Variants in ABCA8 observed in about 807,000 individuals in gnomAD.
ABCA8 encodes the protein ATP binding cassette subfamily A member 8, also known as ABC-type organic anion transporter ABCA8.
In ABCA8, 177 loss-of-function variants were observed where a neutral mutation model predicts 192.3. The observed-to-expected ratio is 0.92, with a 90% CI of 0.81 to 1.04. The LOEUF (loss-of-function observed/expected upper bound fraction) is 1.04. ABCA8 is among the 50% of genes least tolerant of loss of function. ABCA8 has a pLI of 0.00. For missense variants in ABCA8, 1,915 were observed against 1,904.8 expected, an observed-to-expected ratio of 1.01 and a Z score of -0.10; for synonymous variants, 642 against 690.2, an observed-to-expected ratio of 0.93 and a Z score of 1.09.
intron 37 of ABCA8, among the ~76,000 whole-genome samples, chr17:68,874,653 T>G (rs1343291155): frequency 2.6e-5 from 4 of 152,212 alleles, no homozygotes; most frequent in Non-Finnish European, 5.9e-5. Context: ...TATGATGACT[T>G]ATTTCTCCTT....
At chr17:68,925,626 G>A (rs1484534817) in intron 10 of ABCA8, among the ~76,000 whole-genome samples, 1 of 152,106 alleles carries the variant, frequency 6.6e-6, no homozygotes, top group African/African-American at 2.4e-5. Flanking sequence ...TCAAACTTCT[G>A]TGTATTTCTC....
At chr17:68,884,652 A>C in intron 27 of ABCA8, 5 of 1,161,714 alleles carry the variant, frequency 4.3e-6, no homozygotes, top group Non-Finnish European at 5.3e-6. Flanking sequence ...ACCTCCCCAA[A>C]CAGTGAGAGA....
At chr17:68,894,145 C>A in intron 23 of ABCA8, 28 bp downstream of exon 23, 2 of 1,610,218 alleles carry the variant, frequency 1.2e-6, no homozygotes, top group South Asian at 2.2e-5. Flanking sequence ...AGAGGAGAGT[C>A]AGGAATTGTA....
At position 68,917,765 on chromosome 17, in the gene ABCA8, A is replaced by T. The variant is rs2067412964; in HGVS notation, c.2047+282T>A. 2.0e-5 allele frequency among the ~76,000 whole-genome samples: 3 copies of T among 152,228 alleles called. No homozygotes were observed. In the South Asian group the frequency reaches 6.2e-4, roughly 32 times the overall value. On this transcript the variant is annotated intron_variant, in intron 16 of 39. Transcript: ENST00000586539. ...TTCAAGTGGATTTCCCTCAATTCTG[A>T]GTAAAAGGATTGATCTCTTAGAAAC...
At chr17:68,869,987 T>C (rs1343412775) in intron 37 of ABCA8, among the ~76,000 whole-genome samples, 3 of 152,194 alleles carry the variant, frequency 2.0e-5, no homozygotes, top group Non-Finnish European at 4.4e-5. Context: ...TTCACATTTT[T>C]CTGTGTTCTG....
intron 2 of ABCA8, among the ~76,000 whole-genome samples, chr17:68,948,052 A>G (rs964874816): frequency 3.3e-5 from 5 of 152,148 alleles, no homozygotes; most frequent in African/African-American, 1.2e-4. Context: ...AGCTTCATCC[A>G]TGTCCCTGCA....
chr17:68,906,594 T>C (rs969747317), intron 18 of ABCA8, among the ~76,000 whole-genome samples: 20 of 152,266 alleles, frequency 1.3e-4, no homozygotes, highest in Middle Eastern at 3.4e-3. Context: ...ATTAATTGGA[T>C]GGTGTAGAAT....
intron 32 of ABCA8, chr17:68,879,895 C>G (rs2066290040): frequency 6.6e-6 from 1 of 152,192 alleles, no homozygotes; most frequent in Non-Finnish European, 1.5e-5. Flanking sequence ...CATGGACTTG[C>G]AGGTGCACCT....
At chr17:68,935,540 C>CTATATATA (rs6146128) in intron 5 of ABCA8, among the ~76,000 whole-genome samples, 2,952 of 87,084 alleles carry the variant, frequency 0.034, 99 homozygotes, top group East Asian at 0.059. Context: ...AGTAGTATTC[C>CTATATATA]TATATATATA....
At chr17:68,892,014 G>T (rs2143390728) in intron 23 of ABCA8, among the ~76,000 whole-genome samples, 1 of 152,144 alleles carries the variant, frequency 6.6e-6, no homozygotes, top group Non-Finnish European at 1.5e-5. Flanking sequence ...AGTTTTTTAG[G>T]TACATCATGA....
chr17:68,954,981 T>C (rs1010325143), intron 1 of ABCA8, among the ~76,000 whole-genome samples: 2 of 152,212 alleles, frequency 1.3e-5, no homozygotes, highest in Admixed American at 1.3e-4. Flanking sequence ...GTTTGCATAA[T>C]TTTTTAAAAA....
intron 18 of ABCA8, 84 bp from the exon 19 acceptor site, chr17:68,906,247 C>A (rs2067064950): frequency 9.8e-6 from 10 of 1,023,866 alleles, no homozygotes; most frequent in Non-Finnish European, 1.3e-5. Flanking sequence ...AAGCACAAAT[C>A]TATGAAACTA....
At chr17:68,921,352 T>A (rs1016756780) in intron 13 of ABCA8, 30 bp downstream of exon 13, 408 of 1,476,978 alleles carry the variant, frequency 2.8e-4, no homozygotes, top group Non-Finnish European at 3.5e-4. Context: ...AAGTATAATT[T>A]AAAAAAAAAG....
intron 21 of ABCA8, among the ~76,000 whole-genome samples, chr17:68,900,656 C>G (rs1255458119): frequency 6.6e-6 from 1 of 151,780 alleles, no homozygotes; most frequent in African/African-American, 2.4e-5. Flanking sequence ...ACCAATATCC[C>G]TTATGAATAG....
chr17:68,913,756 G>A (rs548815643), intron 17 of ABCA8, among the ~76,000 whole-genome samples: 1 of 151,988 alleles, frequency 6.6e-6, no homozygotes, highest in East Asian at 1.9e-4. Flanking sequence ...TCTTTCAGCA[G>A]AGAATTCACT....
intron 19 of ABCA8, among the ~76,000 whole-genome samples, chr17:68,904,176 G>C (rs2066993844): frequency 6.6e-6 from 1 of 151,824 alleles, no homozygotes; most frequent in Non-Finnish European, 1.5e-5. Context: ...CAGCTACTCG[G>C]GAAGCTGAGG....
At chr17:68,876,016 T>C (rs1598181981) in intron 35 of ABCA8, among the ~76,000 whole-genome samples, 1 of 152,104 alleles carries the variant, frequency 6.6e-6, no homozygotes, top group African/African-American at 2.4e-5. Context: ...TTGTGAGAAG[T>C]CTGTGTGAAG....
rs534325046 is a variant in ABCA8 at position 68,876,908 on chromosome 17, T to C, written c.4200-205A>G. Among the ~76,000 whole-genome samples, 306 of 152,338 alleles carry C rather than the reference T, an allele frequency of 2.0e-3. 3 individuals are homozygous for C. Among genetic ancestry groups the C allele is most frequent in the Middle Eastern group, 0.01 (3 of 294 alleles). On this transcript the variant is annotated intron_variant, in intron 33 of 39. Coordinates refer to ENST00000586539, the MANE Select transcript of ABCA8 (RefSeq NM_001288985.2). ...TGCTTTTTGAAGAAATAGAAGGACA[T>C]GACATGATATCCAAATAGTTGTTCT...
intron 10 of ABCA8, among the ~76,000 whole-genome samples, chr17:68,926,484 A>G (rs970597984): frequency 2.0e-5 from 3 of 152,236 alleles, no homozygotes; most frequent in Non-Finnish European, 4.4e-5. Flanking sequence ...CCATAAAAAC[A>G]AAAGTAGAAC....
Sources: allele counts gnomAD v4.1 joint callset (sites outside exome capture counted in the v4.1 genomes callset), GRCh38; gene constraint gnomAD v4.1.1; transcripts MANE v1.5; gene names NCBI Gene and HGNC (gene_info 2026-07-23, HGNC 2026-07-21).